The following PCDHGB2 variants were observed in gnomAD, a reference collection of about 807,000 sequenced individuals.
PCDHGB2 encodes protocadherin gamma-B2.
A neutral mutation model predicts 59.3 loss-of-function variants in PCDHGB2; 55 were observed. The ratio of observed to expected loss-of-function variants is 0.93; its 90% confidence interval spans 0.75 to 1.16. The LOEUF (loss-of-function observed/expected upper bound fraction) is 1.16. Among genes scored for constraint, PCDHGB2 ranks in the 50% most tolerant of loss-of-function variants. PCDHGB2 has a pLI of 0.00. For missense variants in PCDHGB2, 1,228 were observed against 1,198.5 expected, an observed-to-expected ratio of 1.02 and a Z score of -0.36; for synonymous variants, 516 against 512.0, an observed-to-expected ratio of 1.01 and a Z score of -0.11.
chr5:141,411,184 G>A (rs1478666914), intron 1 of PCDHGB2: 1 of 152,108 alleles, frequency 6.6e-6, no homozygotes, highest in Admixed American at 6.6e-5. Context: ...AGTGGTCTTG[G>A]CATCTAAGAA....
intron 1 of PCDHGB2, chr5:141,408,159 C>T (rs1408291996): frequency 3.9e-5 from 59 of 1,516,228 alleles, no homozygotes; most frequent in Non-Finnish European, 5.2e-5. Context: ...AGTGCACTTT[C>T]TCCAACTGGA....
At chr5:141,399,987 A>T in intron 1 of PCDHGB2, 1 of 1,612,224 alleles carries the variant, frequency 6.2e-7, no homozygotes, top group Non-Finnish European at 8.5e-7. Flanking sequence ...TGCGCACAGG[A>T]GAGGTGCGCA....
At chr5:141,388,658 G>T in intron 1 of PCDHGB2, 7 of 1,613,908 alleles carry the variant, frequency 4.3e-6, no homozygotes, top group Non-Finnish European at 5.9e-6. Context: ...TGTACCCGGG[G>T]ACCACGGTGC....
intron 1 of PCDHGB2, chr5:141,371,408 A>G (rs1767731278): frequency 6.2e-7 from 1 of 1,614,038 alleles, no homozygotes; most frequent in Admixed American, 1.7e-5. Flanking sequence ...TAGATATTTC[A>G]GATGAAAATG....
chr5:141,390,665 TA>T, intron 1 of PCDHGB2: 1 of 192,900 alleles, frequency 5.2e-6, no homozygotes, highest in Non-Finnish European at 1.1e-5. Flanking sequence ...ACCATAAATA[TA>T]AAAATAATAA....
At position 141,487,760 on chromosome 5, in the gene PCDHGB2, G is replaced by T; in HGVS notation, c.2422-7047G>T. On this transcript the variant is annotated intron_variant, in intron 1 of 3. Transcript: ENST00000522605. The surrounding 1 kb of genome is among the most constrained non-coding windows in gnomAD (Gnocchi z 5.0). Reference sequence around the variant, plus strand: ...TGTAAGAGGTAACTATGTGGTAGACGCTGTGCTTTGTAACTGTTTCGTGAA... The same window carrying T: ...TGTAAGAGGTAACTATGTGGTAGACTCTGTGCTTTGTAACTGTTTCGTGAA... 1 of 1,545,950 alleles carries T rather than the reference G, an allele frequency of 6.5e-7. No individual in the cohort carries two copies. The highest frequency in any genetic ancestry group is 1.4e-5 in the African/African-American group (1 of 73,162).
intron 1 of PCDHGB2, chr5:141,404,091 G>A (rs1404367820): frequency 6.2e-7 from 1 of 1,613,422 alleles, no homozygotes; most frequent in Non-Finnish European, 8.5e-7. Flanking sequence ...GGGAAGAATG[G>A]TCAAGTTGTC....
Position 141,454,782 on chromosome 5 carries a change from C to A in PCDHGB2, c.2422-40025C>A, listed in dbSNP as rs116242508. On this transcript the variant is annotated intron_variant, in intron 1 of 3. Transcript: ENST00000522605. ...GACATGTTTTTTACAAGGAAATAAT[C>A]CTCCATGGTTCTAATTTTTTTTTTT... is the stretch of plus-strand genomic sequence containing the variant. 8.4e-3 allele frequency among the ~76,000 whole-genome samples: 1,205 copies of A among 143,216 alleles called. 20 individuals are homozygous for A. Among genetic ancestry groups the A allele is most frequent in the African/African-American group, 0.03 (1,150 of 37,952 alleles). The allele number at this position is 143,216 out of a possible 152,430, so 94.0% of individuals were successfully genotyped here. A position where few individuals can be genotyped will look rare whatever the true frequency, so the allele number is the denominator to read the frequency against.
intron 1 of PCDHGB2, chr5:141,370,674 G>A: frequency 1.9e-6 from 3 of 1,613,890 alleles, no homozygotes; most frequent in South Asian, 1.1e-5. Flanking sequence ...AGACCGAGAG[G>A]AGATTTGTGG....
intron 1 of PCDHGB2, chr5:141,385,966 G>T (rs968695297): frequency 6.6e-6 from 1 of 152,176 alleles, no homozygotes. Context: ...AAGGCCATCG[G>T]ACAAAACCAA....
chr5:141,374,849 C>A (rs1770893112), intron 1 of PCDHGB2: 3 of 1,613,636 alleles, frequency 1.9e-6, no homozygotes, highest in South Asian at 1.1e-5. Context: ...TGAAAACCTG[C>A]CAGTAGGCAC....
At position 141,427,886 on chromosome 5, in the gene PCDHGB2, C is replaced by T. The variant is rs908553179; in HGVS notation, c.2421+65330C>T. The T allele has an allele frequency of 1.9e-6, 3 of 1,565,276 alleles. 1 individual carries two copies. On this transcript the variant is annotated intron_variant, in intron 1 of 3. Coordinates refer to ENST00000522605, the MANE Select transcript of PCDHGB2 (RefSeq NM_018923.3). ...TCGAGCTCACGATGCAGGCCCACGA[C>T]CAGGGCTCGCCCGCGCTCAGCGCCA...
Position 141,384,229 on chromosome 5 carries a change from G to A in PCDHGB2, c.2421+21673G>A, listed in dbSNP as rs571021830. The A allele has an allele frequency of 3.1e-6, 5 of 1,613,904 alleles. No individual in the cohort carries two copies. In the South Asian group the frequency reaches 5.5e-5, roughly 18 times the overall value. On this transcript the variant is annotated intron_variant, in intron 1 of 3. Transcript: ENST00000522605. The stretch of plus-strand genomic sequence containing the variant: ...AACTCACATATTCATGCAGGTGGCA[G>A]ACACCAACGATAACCCACCCACCTT...
intron 2 of PCDHGB2, 105 bp downstream of exon 2, chr5:141,494,970 C>T (rs1352514628): frequency 1.9e-6 from 3 of 1,584,974 alleles, no homozygotes; most frequent in East Asian, 4.6e-5. Context: ...GATGGCTTCT[C>T]CCTCAGTTTG....
intron 2 of PCDHGB2, among the ~76,000 whole-genome samples, chr5:141,497,980 G>A (rs983045402): frequency 2.0e-5 from 3 of 152,168 alleles, no homozygotes; most frequent in African/African-American, 7.2e-5. Context: ...GATGTGGGAG[G>A]CCCCTGCCCT....
chr5:141,490,612 C>G lies in PCDHGB2; in HGVS notation c.2422-4195C>G, dbSNP rs1393568166. ...CAATGCACCCCGCTTCAACCAGCAG[C>G]TTTACACTGCTTACATCCTAGAAAA... On this transcript the variant is annotated intron_variant, in intron 1 of 3. Coordinates refer to ENST00000522605, the MANE Select transcript of PCDHGB2 (RefSeq NM_018923.3). This position sits in a 1 kb window ranked among gnomAD's most constrained non-coding sequence, Gnocchi z 5.4. The G allele has an allele frequency of 6.2e-7, 1 of 1,614,082 alleles. No homozygotes were observed. Among genetic ancestry groups the G allele is most frequent in the Non-Finnish European group, 8.5e-7 (1 of 1,180,032 alleles).
chr5:141,409,180 T>C (rs2095236494), intron 1 of PCDHGB2: 1 of 1,613,848 alleles, frequency 6.2e-7, no homozygotes, highest in Non-Finnish European at 8.5e-7. Flanking sequence ...ACGGAGGTGG[T>C]CTCTCTACCC....
At chr5:141,498,826 A>G (rs1186868890) in intron 2 of PCDHGB2, among the ~76,000 whole-genome samples, 1 of 152,006 alleles carries the variant, frequency 6.6e-6, no homozygotes, top group African/African-American at 2.4e-5. Context: ...CCAGCTACTC[A>G]GGAGGCTGAG....
chr5:141,420,030 G>A (rs1269646706), intron 1 of PCDHGB2: 1 of 1,613,940 alleles, frequency 6.2e-7, no homozygotes, highest in Non-Finnish European at 8.5e-7. Flanking sequence ...CCTACTGCAG[G>A]AGACTGCTTT....
Sources: gnomAD v4.1 joint callset for allele counts (sites outside exome capture counted in the v4.1 genomes callset) on GRCh38, gnomAD v4.1.1 for gene constraint, Gnocchi (gnomAD v3.1) non-coding constraint, MANE v1.5 for transcripts, NCBI Gene and HGNC (gene_info 2026-07-23, HGNC 2026-07-21) for gene names.